Variants in GRIK1 observed in about 807,000 individuals in gnomAD.
GRIK1 encodes glutamate ionotropic receptor kainate type subunit 1, also known as glutamate receptor ionotropic, kainate 1.
In GRIK1, 69 loss-of-function variants were observed where a neutral mutation model predicts 105.7. The ratio of observed to expected loss-of-function variants is 0.65; its 90% CI spans 0.54 to 0.80. The LOEUF is 0.80. Ranked by LOEUF, GRIK1 falls within the 30% of genes least tolerant of loss-of-function variation. The pLI is 0.00. For synonymous variants in GRIK1, 438 were observed against 431.3 expected, an observed-to-expected ratio of 1.02 and a Z score of -0.19; for missense variants, 1,109 against 1,167.3, an observed-to-expected ratio of 0.95 and a Z score of 0.73.
intron 1 of GRIK1, among the ~76,000 whole-genome samples, chr21:29,876,388 A>T (rs1222799188): frequency 1.3e-5 from 2 of 152,130 alleles, no homozygotes; most frequent in Non-Finnish European, 2.9e-5. Context: ...AGGAAATTAT[A>T]GGAATATATT....
intron 7 of GRIK1, among the ~76,000 whole-genome samples, chr21:29,610,667 T>TGTTAGAG (rs1000890921): frequency 7.2e-5 from 11 of 152,170 alleles, no homozygotes; most frequent in Non-Finnish European, 1.6e-4. Flanking sequence ...ATGAGACTTG[T>TGTTAGAG]GTTAGAGTTC....
At chr21:29,848,992 G>A (rs1434724491) in intron 1 of GRIK1, among the ~76,000 whole-genome samples, 1 of 151,644 alleles carries the variant, frequency 6.6e-6, no homozygotes, top group Non-Finnish European at 1.5e-5. Context: ...ACTCTGTGAA[G>A]GCAGAACAGA....
intron 7 of GRIK1, among the ~76,000 whole-genome samples, chr21:29,620,770 C>CATATATATATATAT (rs200139967): frequency 1.1e-4 from 13 of 117,440 alleles, no homozygotes; most frequent in African/African-American, 4.7e-4. Flanking sequence ...GTATGAAAGT[C>CATATATATATATAT]ATATATATAT....
chr21:29,897,492 C>A (rs1205463210), intron 1 of GRIK1, among the ~76,000 whole-genome samples: 3 of 152,178 alleles, frequency 2.0e-5, no homozygotes, highest in Admixed American at 6.5e-5. Flanking sequence ...GCTCACTTTG[C>A]ACATAATTAG....
chr21:29,673,038 T>A lies in GRIK1; in HGVS notation c.671A>T (p.Glu224Val), dbSNP rs2063189946. The A allele has an allele frequency of 3.1e-6, 5 of 1,613,452 alleles. No homozygotes were observed. Among genetic ancestry groups the A allele is most frequent in the Non-Finnish European group, 4.2e-6 (5 of 1,179,504 alleles). ...TGAACAATCAAATATCACATAGAAC[T>A]CCTTGCCTTTCTTCATCTCCTTGAG... ...PLLKEMKKGKEFYVIFDCSHE... is the reference protein window; with the variant it reads ...PLLKEMKKGKVFYVIFDCSHE... The change falls in exon 4 of 18, where the codon GAG becomes GTG. Residue 224 changes from glutamate (E) to valine (V), a missense_variant. Around this residue, in one of 5 missense-constraint regions of GRIK1, gnomAD observed 612 missense variants for 586.0 expected, o/e 1.04. Transcript: ENST00000327783.
chr21:29,586,697 A>G (rs1022642677), intron 12 of GRIK1, among the ~76,000 whole-genome samples: 4 of 152,362 alleles, frequency 2.6e-5, no homozygotes, highest in Non-Finnish European at 4.4e-5. Context: ...AAATCCTTTA[A>G]GGAACTGTGT....
chr21:29,775,232 C>T (rs531038245), intron 1 of GRIK1, among the ~76,000 whole-genome samples: 3 of 146,100 alleles, frequency 2.1e-5, no homozygotes, highest in South Asian at 4.4e-4. Context: ...GCAGAGATTG[C>T]GCCACTGCAC....
intron 15 of GRIK1, among the ~76,000 whole-genome samples, chr21:29,560,901 T>C (rs2090464399): frequency 6.6e-6 from 1 of 152,000 alleles, no homozygotes; most frequent in African/African-American, 2.4e-5. Flanking sequence ...CGCCTGGCCA[T>C]GATACAGTTT....
At chr21:29,677,003 T>C (rs913606869) in intron 3 of GRIK1, among the ~76,000 whole-genome samples, 1 of 152,196 alleles carries the variant, frequency 6.6e-6, no homozygotes, top group Non-Finnish European at 1.5e-5. Flanking sequence ...AATCTTAGTG[T>C]GGTTATAACG....
intron 7 of GRIK1, among the ~76,000 whole-genome samples, chr21:29,604,932 T>C (rs2061583805): frequency 6.6e-6 from 1 of 152,230 alleles, no homozygotes; most frequent in Non-Finnish European, 1.5e-5. Context: ...TAAATGCACA[T>C]ATTTTATTAT....
intron 1 of GRIK1, among the ~76,000 whole-genome samples, chr21:29,903,525 G>A (rs968560219): frequency 2.0e-5 from 3 of 152,060 alleles, no homozygotes; most frequent in Non-Finnish European, 4.4e-5. Flanking sequence ...CAACAGACAT[G>A]AAAAAATGCT....
intron 15 of GRIK1, among the ~76,000 whole-genome samples, chr21:29,559,432 A>G (rs1312986325): frequency 6.6e-6 from 1 of 152,108 alleles, no homozygotes; most frequent in Non-Finnish European, 1.5e-5. Context: ...ATTATAGGAG[A>G]GCTTACCACT....
rs572895843 is a variant in GRIK1, at chr21:29,630,558, G to A, written c.1098+12268C>T. 1.9e-4 allele frequency: 90 copies of A among 471,726 alleles called. 2 individuals carry two copies. The highest frequency in any genetic ancestry group is 1.4e-3 in the South Asian group (88 of 64,568). 29.2% of individuals were successfully genotyped at this position (471,726 alleles called of 1,614,324 possible). ...CTTAAGGGAACAAGCTGCCAATAAT[G>A]TCTGCAAAAAGTGAATTCTTCCAAC... On this transcript the variant is annotated intron_variant, in intron 7 of 17. Transcript: ENST00000327783.
At chr21:29,925,644 A>G (rs1346248267) in intron 1 of GRIK1, among the ~76,000 whole-genome samples, 1 of 152,248 alleles carries the variant, frequency 6.6e-6, no homozygotes. Context: ...GTCAGCCTTC[A>G]GGAATAGTAC....
intron 1 of GRIK1, among the ~76,000 whole-genome samples, chr21:29,819,843 C>T (rs1048599205): frequency 6.6e-6 from 1 of 151,970 alleles, no homozygotes; most frequent in African/African-American, 2.4e-5. Flanking sequence ...TGACAGGGAC[C>T]GCCTGCAACA....
At chr21:29,857,421 G>A (rs569165865) in intron 1 of GRIK1, among the ~76,000 whole-genome samples, 11 of 152,268 alleles carry the variant, frequency 7.2e-5, no homozygotes, top group Middle Eastern at 3.4e-3. Context: ...AAGTAACTAA[G>A]AAATGTTTCT....
chr21:29,914,440 G>T (rs1005973513), intron 1 of GRIK1, among the ~76,000 whole-genome samples: 1 of 152,022 alleles, frequency 6.6e-6, no homozygotes, highest in African/African-American at 2.4e-5. Context: ...CCCCTATGGG[G>T]CAGTCATGTG....
intron 1 of GRIK1, among the ~76,000 whole-genome samples, chr21:29,914,477 G>A (rs1003061437): frequency 1.3e-5 from 2 of 152,064 alleles, no homozygotes; most frequent in Non-Finnish European, 2.9e-5. Flanking sequence ...GGCAATGGCA[G>A]TCATCATGAA....
At chr21:29,596,153 G>A (rs371033578) in intron 9 of GRIK1, 16 of 360,602 alleles carry the variant, frequency 4.4e-5, no homozygotes, top group South Asian at 6.8e-5. Flanking sequence ...AATCTATTGT[G>A]ATTTTTATCC....
Sources: gnomAD v4.1 joint callset for allele counts (sites outside exome capture counted in the v4.1 genomes callset) on GRCh38, gnomAD v4.1.1 for gene constraint, gnomAD v4.1.1 regional missense constraint, MANE v1.5 for transcripts, NCBI Gene and HGNC (gene_info 2026-07-23, HGNC 2026-07-21) for gene names.